The following GRM1 variants were observed in gnomAD, a reference collection of about 807,000 sequenced individuals.
GRM1 encodes the protein metabotropic glutamate receptor 1.
In GRM1, 33 loss-of-function variants were observed where a neutral mutation model predicts 90.9. That is an observed-to-expected ratio of 0.36 (90% confidence interval 0.28 to 0.49). The LOEUF is 0.49. GRM1 is among the 20% of genes least tolerant of loss of function. The probability of loss-of-function intolerance (pLI) is 0.99; values close to 1 mark genes in which losing one functional copy is unlikely to be tolerated. For missense variants in GRM1, 1,190 were observed against 1,534.3 expected (o/e 0.78, Z 3.75); for synonymous variants, 700 against 613.2 (o/e 1.14, Z -2.09).
At chr6:146,206,140 C>T (rs1779486497) in intron 2 of GRM1, among the ~76,000 whole-genome samples, 1 of 152,142 alleles carries the variant, frequency 6.6e-6, no homozygotes, top group South Asian at 2.1e-4. Flanking sequence ...TTCTGTAGGA[C>T]CTGTATCATT....
At chr6:146,268,134 A>G (rs1053309379) in intron 2 of GRM1, among the ~76,000 whole-genome samples, 3 of 152,108 alleles carry the variant, frequency 2.0e-5, no homozygotes, top group Non-Finnish European at 4.4e-5. Context: ...TCTACTAAAC[A>G]CATTCCTCAA....
chr6:146,156,425 T>G (rs1777531340), intron 1 of GRM1, among the ~76,000 whole-genome samples: 1 of 152,034 alleles, frequency 6.6e-6, no homozygotes, highest in Non-Finnish European at 1.5e-5. Context: ...AAAAAGAAAG[T>G]AGGCTTCTAT....
At chr6:146,137,338 T>C (rs1197445441) in intron 1 of GRM1, among the ~76,000 whole-genome samples, 2 of 152,214 alleles carry the variant, frequency 1.3e-5, no homozygotes, top group East Asian at 1.9e-4. Context: ...GGTTTGATTA[T>C]TGTATATGGC....
chr6:146,278,991 G>A (rs185538344), intron 2 of GRM1, among the ~76,000 whole-genome samples: 15 of 152,194 alleles, frequency 9.9e-5, no homozygotes, highest in African/African-American at 3.6e-4. Flanking sequence ...AGGCGTGAGC[G>A]ACCGCGTCCA....
In GRM1 at chr6:146,435,177, G is replaced by A. The variant is rs1010266535; in HGVS notation, c.*381G>A. ...TATATGCCCACACACACTGGGCCAT[G>A]CTTGCCAAGGAACAGCCCACGTGGA... On this transcript the variant is annotated 3_prime_UTR_variant, in exon 8 of 8. Transcript: ENST00000282753. The A allele has an allele frequency of 1.3e-4, 46 of 351,898 alleles. 1 individual carries two copies. Among genetic ancestry groups the A allele is most frequent in the Non-Finnish European group, 1.8e-4 (32 of 182,558 alleles). The allele number at this position is 351,898 out of a possible 1,614,324, so 21.8% of individuals were successfully genotyped here.
intron 1 of GRM1, among the ~76,000 whole-genome samples, chr6:146,136,987 G>C (rs576557834): frequency 6.6e-6 from 1 of 151,526 alleles, no homozygotes; most frequent in Non-Finnish European, 1.5e-5. Context: ...CAAGTAGCTG[G>C]TATTACAGGC....
intron 1 of GRM1, among the ~76,000 whole-genome samples, chr6:146,052,050 A>G (rs767371077): frequency 2.0e-5 from 3 of 152,070 alleles, no homozygotes; most frequent in Non-Finnish European, 4.4e-5. Flanking sequence ...AGCACTTATT[A>G]CAACTCCTTG....
intron 2 of GRM1, among the ~76,000 whole-genome samples, chr6:146,278,084 A>G (rs1782437636): frequency 6.6e-6 from 1 of 152,166 alleles, no homozygotes; most frequent in South Asian, 2.1e-4. Context: ...TAAAGTGATT[A>G]TATTTTTTCT....
chr6:146,143,940 G>C (rs895012010), intron 1 of GRM1, among the ~76,000 whole-genome samples: 2 of 152,188 alleles, frequency 1.3e-5, no homozygotes, highest in African/African-American at 4.8e-5. Context: ...TAGCTAGTTA[G>C]AGGCAATCAA....
At chr6:146,180,866 A>G (rs1778526322) in intron 2 of GRM1, among the ~76,000 whole-genome samples, 1 of 152,180 alleles carries the variant, frequency 6.6e-6, no homozygotes, top group South Asian at 2.1e-4. Context: ...TCGACTCTTG[A>G]ATAAGAACTC....
chr6:146,176,702 T>G (rs1289210708), intron 2 of GRM1, among the ~76,000 whole-genome samples: 2 of 152,118 alleles, frequency 1.3e-5, no homozygotes, highest in Non-Finnish European at 2.9e-5. Context: ...AGTTGTACTA[T>G]TCTATACCAA....
At chr6:146,329,592 A>G (rs928043232) in intron 3 of GRM1, among the ~76,000 whole-genome samples, 3 of 152,222 alleles carry the variant, frequency 2.0e-5, no homozygotes, top group Non-Finnish European at 4.4e-5. Context: ...TTACATTTCT[A>G]AACATAACTT....
At chr6:146,323,107 G>A (rs915568104) in intron 3 of GRM1, among the ~76,000 whole-genome samples, 1 of 152,070 alleles carries the variant, frequency 6.6e-6, no homozygotes, top group East Asian at 1.9e-4. Context: ...AGTCCTTTGG[G>A]TATATACCCA....
chr6:146,350,267 CA>C (rs1785354770), intron 3 of GRM1, among the ~76,000 whole-genome samples: 1 of 152,128 alleles, frequency 6.6e-6, no homozygotes, highest in Admixed American at 6.5e-5. Flanking sequence ...ACAAGAAGAG[CA>C]AACTCAGTGT....
At chr6:146,130,485 A>G (rs1242648369) in intron 1 of GRM1, among the ~76,000 whole-genome samples, 3 of 152,092 alleles carry the variant, frequency 2.0e-5, no homozygotes, top group Admixed American at 6.6e-5. Context: ...TTAAGTTTTA[A>G]TGTTTTTATT....
At chr6:146,218,292 CT>C (rs1779943880) in intron 2 of GRM1, among the ~76,000 whole-genome samples, 1 of 152,160 alleles carries the variant, frequency 6.6e-6, no homozygotes, top group African/African-American at 2.4e-5. Context: ...TCGTATGATT[CT>C]TTTACATCCC....
At chr6:146,167,374 A>G (rs908938340) in intron 2 of GRM1, among the ~76,000 whole-genome samples, 2 of 152,124 alleles carry the variant, frequency 1.3e-5, no homozygotes, top group African/African-American at 4.8e-5. Context: ...TTGTGTGGAC[A>G]TGTATTTTCA....
At chr6:146,402,031 A>G (rs905910897) in intron 7 of GRM1, among the ~76,000 whole-genome samples, 10 of 152,136 alleles carry the variant, frequency 6.6e-5, no homozygotes, top group Admixed American at 2.0e-4. Flanking sequence ...GAAATTTAGA[A>G]ATTAATTTCA....
Position 146,086,858 on chromosome 6 carries a change from C to G in GRM1, c.700+56641C>G, listed in dbSNP as rs537613574. Among the ~76,000 whole-genome samples the G allele has an allele frequency of 3.3e-5, 5 of 151,990 alleles. No individual in the cohort carries two copies. In the South Asian group the frequency reaches 1.0e-3, roughly 32 times the overall value. On this transcript the variant is annotated intron_variant, in intron 1 of 7. Coordinates refer to ENST00000282753, the MANE Select transcript of GRM1 (RefSeq NM_001278064.2). The stretch of plus-strand genomic sequence containing the variant: ...TTCTCATCCCAAGTATGTCTAGCCT[C>G]GTGATCAATATAGCTCCAGGAATGT...
Sources: allele counts gnomAD v4.1 joint callset (sites outside exome capture counted in the v4.1 genomes callset), GRCh38; gene constraint gnomAD v4.1.1; transcripts MANE v1.5; gene names NCBI Gene and HGNC (gene_info 2026-07-23, HGNC 2026-07-21).